The following LHFPL3 variants were observed in gnomAD, a reference collection of about 807,000 sequenced individuals.
LHFPL3 encodes the protein LHFPL tetraspan subfamily member 3.
Under a neutral mutation model 19.3 loss-of-function variants are expected in LHFPL3, and 5 were observed. The observed-to-expected ratio is 0.26, with a 90% confidence interval of 0.14 to 0.54. The LOEUF (loss-of-function observed/expected upper bound fraction) is 0.54. Among genes scored for constraint, LHFPL3 ranks in the 20% least tolerant of loss-of-function variants. The pLI is 0.94. For synonymous variants in LHFPL3, 133 were observed against 126.2 expected (o/e 1.05, Z -0.36); for missense variants, 249 against 307.4 (o/e 0.81, Z 1.42).
intron 1 of LHFPL3, among the ~76,000 whole-genome samples, chr7:104,346,714 G>C (rs1365169061): frequency 6.6e-6 from 1 of 151,754 alleles, no homozygotes; most frequent in Admixed American, 6.6e-5. Flanking sequence ...TGAAATAATA[G>C]AAATACTGTA....
At chr7:104,331,817 G>A (rs1411206233) in intron 1 of LHFPL3, among the ~76,000 whole-genome samples, 1 of 152,054 alleles carries the variant, frequency 6.6e-6, no homozygotes, top group Non-Finnish European at 1.5e-5. Flanking sequence ...AGGCGTGGTG[G>A]TGGGTGCCTG....
intron 1 of LHFPL3, among the ~76,000 whole-genome samples, chr7:104,574,248 A>T (rs1790281500): frequency 6.6e-6 from 1 of 152,224 alleles, no homozygotes; most frequent in Non-Finnish European, 1.5e-5. Context: ...CACTGCTTCA[A>T]TTCTCACTGA....
intron 1 of LHFPL3, among the ~76,000 whole-genome samples, chr7:104,415,976 C>T (rs1343625361): frequency 1.3e-5 from 2 of 152,182 alleles, no homozygotes; most frequent in African/African-American, 4.8e-5. Flanking sequence ...TTATGGGTTG[C>T]ATTCTGTCTC....
intron 1 of LHFPL3, among the ~76,000 whole-genome samples, chr7:104,734,546 T>C (rs1164368757): frequency 6.6e-6 from 1 of 152,272 alleles, no homozygotes; most frequent in Non-Finnish European, 1.5e-5. Context: ...CACATAGTTC[T>C]TGTGCCTTGG....
rs567082291 is a variant in LHFPL3 at position 104,886,446 on chromosome 7, C to A, written c.683-19741C>A. The stretch of plus-strand genomic sequence containing the variant: ...GTGGTGCGATCTCAGTTCACCGCAA[C>A]TTCCGCCACCTGGGTTCAAGCAATT... On this transcript the variant is annotated intron_variant, in intron 2 of 2. Coordinates refer to ENST00000424859, the MANE Select transcript of LHFPL3 (RefSeq NM_199000.3). Among the ~76,000 whole-genome samples the A allele has an allele frequency of 1.6e-4, 24 of 152,326 alleles. No homozygotes were observed. In the South Asian group the frequency reaches 3.9e-3, roughly 25 times the overall value.
chr7:104,753,612 C>T (rs1340885960), intron 2 of LHFPL3, among the ~76,000 whole-genome samples: 2 of 151,212 alleles, frequency 1.3e-5, no homozygotes, highest in Non-Finnish European at 2.9e-5. Context: ...AGACAGCAAA[C>T]ACAAAGACCA....
chr7:104,452,632 A>G (rs1792463485), intron 1 of LHFPL3, among the ~76,000 whole-genome samples: 6 of 152,174 alleles, frequency 3.9e-5, no homozygotes, highest in Admixed American at 3.9e-4. Flanking sequence ...TAAGCATTAT[A>G]TCTTTTTAAT....
intron 2 of LHFPL3, among the ~76,000 whole-genome samples, chr7:104,772,295 A>G (rs1188654198): frequency 6.6e-6 from 1 of 152,222 alleles, no homozygotes; most frequent in African/African-American, 2.4e-5. Flanking sequence ...GGCACAAAGA[A>G]AGGAAGTGAC....
intron 1 of LHFPL3, among the ~76,000 whole-genome samples, chr7:104,331,275 A>G (rs1232832335): frequency 6.6e-6 from 1 of 152,224 alleles, no homozygotes; most frequent in African/African-American, 2.4e-5. Flanking sequence ...ATCAATGTTT[A>G]TCCTGTTTTC....
intron 2 of LHFPL3, among the ~76,000 whole-genome samples, chr7:104,905,288 T>C (rs1792575573): frequency 6.6e-6 from 1 of 152,104 alleles, no homozygotes; most frequent in African/African-American, 2.4e-5. Context: ...TAGATCTTTA[T>C]ATAAAAGATA....
intron 1 of LHFPL3, among the ~76,000 whole-genome samples, chr7:104,350,601 G>T (rs1445409569): frequency 6.6e-6 from 1 of 152,196 alleles, no homozygotes; most frequent in East Asian, 1.9e-4. Flanking sequence ...TGTTGAAACA[G>T]CAGTGAACCA....
intron 1 of LHFPL3, among the ~76,000 whole-genome samples, chr7:104,527,550 G>T (rs1794212829): frequency 1.3e-5 from 2 of 152,140 alleles, no homozygotes; most frequent in Non-Finnish European, 2.9e-5. Flanking sequence ...GAAATAGGAA[G>T]AGTGATGACT....
chr7:104,673,346 C>T (rs1363920746), intron 1 of LHFPL3, among the ~76,000 whole-genome samples: 1 of 152,146 alleles, frequency 6.6e-6, no homozygotes, highest in African/African-American at 2.4e-5. Flanking sequence ...CTAAATAGTT[C>T]GCTTTTATCT....
rs1791132013 is a variant in LHFPL3 at position 104,393,993 on chromosome 7, C to G, written c.445+64769C>G. Among the ~76,000 whole-genome samples, 5 of 152,198 alleles carry G rather than the reference C, an allele frequency of 3.3e-5. No individual in the cohort carries two copies. In the South Asian group the frequency reaches 1.0e-3, roughly 32 times the overall value. ...TTAATGGGATGGATTTCTTGGGAGG[C>G]TGATGAGAAGGTTCTAAAATTATAT... is the stretch of plus-strand genomic sequence containing the variant. On this transcript the variant is annotated intron_variant, in intron 1 of 2. Transcript: ENST00000424859.
At chr7:104,674,930 A>G (rs2116059470) in intron 1 of LHFPL3, among the ~76,000 whole-genome samples, 1 of 152,378 alleles carries the variant, frequency 6.6e-6, no homozygotes, top group South Asian at 2.1e-4. Flanking sequence ...AAGAAAAGAA[A>G]TACAGAAGTA....
At chr7:104,422,286 G>A (rs1397150431) in intron 1 of LHFPL3, among the ~76,000 whole-genome samples, 7 of 152,112 alleles carry the variant, frequency 4.6e-5, no homozygotes, top group Non-Finnish European at 8.8e-5. Context: ...ACTTGAACCC[G>A]GGAGGTGGAG....
At chr7:104,750,501 G>A (rs138597568) in intron 2 of LHFPL3, among the ~76,000 whole-genome samples, 3,547 of 149,012 alleles carry the variant, frequency 0.024, 89 homozygotes, top group Non-Finnish European at 0.039. Flanking sequence ...ATTGAATTTC[G>A]CCTTTATAGT....
At chr7:104,388,569 A>G (rs930307662) in intron 1 of LHFPL3, among the ~76,000 whole-genome samples, 11 of 152,172 alleles carry the variant, frequency 7.2e-5, no homozygotes, top group African/African-American at 2.7e-4. Flanking sequence ...TCTTGATACA[A>G]AATCAGACAA....
At chr7:104,775,226 T>C (rs1215918747) in intron 2 of LHFPL3, among the ~76,000 whole-genome samples, 6 of 152,168 alleles carry the variant, frequency 3.9e-5, no homozygotes, top group Non-Finnish European at 7.3e-5. Context: ...ACCCCGTCTC[T>C]ACTAAAAATG....
Sources: gnomAD v4.1 joint callset for allele counts (sites outside exome capture counted in the v4.1 genomes callset) on GRCh38, gnomAD v4.1.1 for gene constraint, MANE v1.5 for transcripts, NCBI Gene and HGNC (gene_info 2026-07-23, HGNC 2026-07-21) for gene names.